The following FAM184B variants were observed in gnomAD, a reference collection of about 807,000 sequenced individuals.
FAM184B encodes the protein family with sequence similarity 184 member B.
In FAM184B, 111 loss-of-function variants were observed where a neutral mutation model predicts 135.9. The ratio of observed to expected loss-of-function variants is 0.82; its 90% CI spans 0.70 to 0.96. FAM184B has a LOEUF of 0.96. Among genes scored for constraint, FAM184B ranks in the 40% least tolerant of loss-of-function variants. FAM184B has a pLI of 0.00. For synonymous variants in FAM184B, 552 were observed against 524.8 expected (o/e 1.05, Z -0.71); for missense variants, 1,375 against 1,323.9 (o/e 1.04, Z -0.60).
intron 13 of FAM184B, 59 bp from the exon 14 acceptor site, chr4:17,639,455 C>T (rs979286956): frequency 1.3e-6 from 2 of 1,536,648 alleles, no homozygotes; most frequent in Non-Finnish European, 1.8e-6. Context: ...ACCCCTTGGG[C>T]TCTGGGGTTT....
intron 10 of FAM184B, among the ~76,000 whole-genome samples, chr4:17,653,659 A>G (rs1715694988): frequency 6.6e-6 from 1 of 152,008 alleles, no homozygotes; most frequent in Non-Finnish European, 1.5e-5. Context: ...GTAAACTTTA[A>G]TAAGTGTCTC....
Position 17,781,044 on chromosome 4 carries a change from G to A in FAM184B, c.141+115C>T. On this transcript the variant is annotated intron_variant, in intron 1 of 17. Transcript: ENST00000265018. This position sits in a 1 kb window ranked among gnomAD's most constrained non-coding sequence, Gnocchi z 6.5. Reference sequence around the variant, plus strand: ...CCGCTTCCCTTCCCGGTTGGCCTCCGAGACAAAGTTTCTGTCTGGATTTGG... The same window carrying A: ...CCGCTTCCCTTCCCGGTTGGCCTCCAAGACAAAGTTTCTGTCTGGATTTGG... 7.5e-7 allele frequency: 1 copy of A among 1,334,998 alleles called. No homozygotes were observed. 82.7% of individuals were successfully genotyped at this position (1,334,998 alleles called of 1,614,324 possible). A position where few individuals can be genotyped will look rare whatever the true frequency, so the allele number is the denominator to read the frequency against.
chr4:17,679,186 C>A (rs1363034077), intron 7 of FAM184B, among the ~76,000 whole-genome samples: 2 of 152,034 alleles, frequency 1.3e-5, no homozygotes, highest in Non-Finnish European at 2.9e-5. Flanking sequence ...GATTGGACTT[C>A]ATTAAACTAA....
chr4:17,692,668 A>G (rs1716764035), intron 6 of FAM184B, among the ~76,000 whole-genome samples: 1 of 152,166 alleles, frequency 6.6e-6, no homozygotes, highest in Non-Finnish European at 1.5e-5. Context: ...AACTGGTTTC[A>G]TGGGTTCCTG....
chr4:17,682,246 A>G (rs1666222742), intron 7 of FAM184B, among the ~76,000 whole-genome samples: 1 of 152,190 alleles, frequency 6.6e-6, no homozygotes, highest in South Asian at 2.1e-4. Context: ...CCTCAGAATG[A>G]TTATGACTAA....
At chr4:17,739,484 C>T (rs1717976641) in intron 1 of FAM184B, among the ~76,000 whole-genome samples, 1 of 150,204 alleles carries the variant, frequency 6.7e-6, no homozygotes, top group African/African-American at 2.5e-5. Context: ...AGTTCTAAGC[C>T]AGGGCAGCAT....
intron 12 of FAM184B, among the ~76,000 whole-genome samples, chr4:17,646,384 G>A (rs766309243): frequency 1.6e-4 from 24 of 152,290 alleles, no homozygotes; most frequent in South Asian, 4.1e-4. Context: ...ATACACCATG[G>A]AATACTATGC....
chr4:17,699,101 T>TTC (rs1164768047), intron 5 of FAM184B, among the ~76,000 whole-genome samples: 1 of 152,032 alleles, frequency 6.6e-6, no homozygotes. Flanking sequence ...AGGCTAAAAA[T>TTC]TATAATATCT....
chr4:17,644,420 G>C (rs898069268), intron 12 of FAM184B, among the ~76,000 whole-genome samples: 7 of 152,162 alleles, frequency 4.6e-5, no homozygotes, highest in Non-Finnish European at 1.0e-4. Flanking sequence ...GGGATGCAAG[G>C]CTGGTTCAAT....
chr4:17,648,519 ATT>A lies in FAM184B; in HGVS notation c.2192-730_2192-729del, dbSNP rs5856440. 1.7e-3 allele frequency among the ~76,000 whole-genome samples: 246 copies of A among 144,256 alleles called. 1 individual carries two copies. Among genetic ancestry groups the A allele is most frequent in the Admixed American group, 1.9e-3 (28 of 14,494 alleles). The allele number at this position is 144,256 out of a possible 152,430, so 94.6% of individuals were successfully genotyped here. Reference sequence around the variant, plus strand: ...ACCACCACACCTGGCTAATTTTTGTATTTTTTTTTTTTTTAGTAGAGATGGGG... The same window carrying A: ...ACCACCACACCTGGCTAATTTTTGTATTTTTTTTTTTTAGTAGAGATGGGG... On this transcript the variant is annotated intron_variant, in intron 11 of 17. Coordinates refer to ENST00000265018, the MANE Select transcript of FAM184B (RefSeq NM_015688.2).
At chr4:17,698,058 C>T (rs1461060398) in intron 5 of FAM184B, among the ~76,000 whole-genome samples, 1 of 151,562 alleles carries the variant, frequency 6.6e-6, no homozygotes, top group Non-Finnish European at 1.5e-5. Flanking sequence ...CAGGAAAATT[C>T]CCTTAACTCA....
chr4:17,680,598 A>G (rs955755195), intron 7 of FAM184B, among the ~76,000 whole-genome samples: 2 of 152,130 alleles, frequency 1.3e-5, no homozygotes, highest in African/African-American at 4.8e-5. Context: ...GTTCAACCCA[A>G]TTCCTACTCT....
chr4:17,694,457 A>C (rs1716809626), intron 5 of FAM184B, among the ~76,000 whole-genome samples: 1 of 150,908 alleles, frequency 6.6e-6, no homozygotes, highest in Non-Finnish European at 1.5e-5. Flanking sequence ...CAGGAGGGGG[A>C]GCTTGTAGTG....
intron 5 of FAM184B, among the ~76,000 whole-genome samples, chr4:17,696,830 GAATAAATA>G (rs60876270): frequency 4.2e-4 from 63 of 151,678 alleles, no homozygotes; most frequent in Non-Finnish European, 6.2e-4. Flanking sequence ...ATGAATGAAT[GAATAAATA>G]AATAAATAAA....
At chr4:17,693,170 G>GC (rs1379638601) in intron 6 of FAM184B, 132 bp downstream of exon 6, 2 of 606,294 alleles carry the variant, frequency 3.3e-6, no homozygotes. Context: ...CTAAATGCAC[G>GC]CCCCCCGAGA....
At chr4:17,722,958 CA>C (rs1300890348) in intron 1 of FAM184B, among the ~76,000 whole-genome samples, 1 of 152,182 alleles carries the variant, frequency 6.6e-6, no homozygotes, top group Non-Finnish European at 1.5e-5. Context: ...ACCATGCATA[CA>C]AATGGAATTG....
intron 12 of FAM184B, among the ~76,000 whole-genome samples, chr4:17,645,260 C>T (rs183186200): frequency 1.3e-4 from 20 of 152,224 alleles, no homozygotes; most frequent in African/African-American, 3.9e-4. Flanking sequence ...AAAGAGCCTG[C>T]GTCGCCAAGT....
chr4:17,632,043 ATTTTTTTTTTTTTTTT>A lies in FAM184B; in HGVS notation c.*473_*488del, dbSNP rs199549580. 1.1e-3 allele frequency: 124 copies of A among 117,600 alleles called. No individual in the cohort carries two copies. The highest frequency in any genetic ancestry group is 3.1e-3 in the African/African-American group (91 of 29,330). 7.3% of individuals were successfully genotyped at this position (117,600 alleles called of 1,614,324 possible). A position where few individuals can be genotyped will look rare whatever the true frequency, so the allele number is the denominator to read the frequency against. On this transcript the variant is annotated 3_prime_UTR_variant, in exon 18 of 18. Coordinates refer to ENST00000265018, the MANE Select transcript of FAM184B (RefSeq NM_015688.2). ...TTTTAATAACACTGGTTTAATGTCA[ATTTTTTTTTTTTTTTT>A]TTTTTTTTTTTTTTTTTTTTTTTTT...
At chr4:17,669,053 A>G (rs991850027) in intron 7 of FAM184B, among the ~76,000 whole-genome samples, 3 of 152,242 alleles carry the variant, frequency 2.0e-5, no homozygotes, top group Admixed American at 2.0e-4. Context: ...GACTGAGAAC[A>G]CGCTGCACAG....
Sources: gnomAD v4.1 joint callset for allele counts (sites outside exome capture counted in the v4.1 genomes callset) on GRCh38, gnomAD v4.1.1 for gene constraint, Gnocchi (gnomAD v3.1) non-coding constraint, MANE v1.5 for transcripts, NCBI Gene and HGNC (gene_info 2026-07-23, HGNC 2026-07-21) for gene names.